ATP10B: variants seen among roughly 807,000 people sequenced by gnomAD.
The protein encoded by ATP10B is ATPase phospholipid transporting 10B (putative), also known as phospholipid-transporting ATPase VB.
ATP10B carries 122 observed loss-of-function variants against 141.2 expected under a neutral mutation model. The ratio of observed to expected loss-of-function variants is 0.86; its 90% confidence interval spans 0.75 to 1.00. ATP10B has a LOEUF of 1.00. Ranked by LOEUF, ATP10B falls within the 50% of genes least tolerant of loss-of-function variation. The pLI is 0.00. For missense variants in ATP10B, 1,876 were observed against 1,825.3 expected, an observed-to-expected ratio of 1.03 and a Z score of -0.51; for synonymous variants, 685 against 692.0, an observed-to-expected ratio of 0.99 and a Z score of 0.16.
At chr5:160,873,321 T>C in the ATP10B span, among the ~76,000 whole-genome samples, 2 of 152,160 alleles carry the variant, frequency 1.3e-5, no homozygotes, top group African/African-American at 4.8e-5. Flanking sequence ...AAATTTCTCA[T>C]TAACATCAGG....
At chr5:160,914,250 T>C in the ATP10B span, among the ~76,000 whole-genome samples, 1 of 152,184 alleles carries the variant, frequency 6.6e-6, no homozygotes, top group Non-Finnish European at 1.5e-5. Flanking sequence ...TTAGAACCAA[T>C]GTCAAAGAGG....
intron 6 of ATP10B, among the ~76,000 whole-genome samples, 187 bp downstream of exon 6, chr5:160,685,892 T>G (rs1213020436): frequency 6.6e-6 from 1 of 152,100 alleles, no homozygotes; most frequent in African/African-American, 2.4e-5. Flanking sequence ...ACTCCCAGTA[T>G]GACAACCAAA....
chr5:160,789,092 T>G (rs112988282), intron 1 of ATP10B, among the ~76,000 whole-genome samples: 98 of 152,268 alleles, frequency 6.4e-4, no homozygotes, highest in African/African-American at 2.4e-3. Flanking sequence ...CATACATGAG[T>G]GCACACACCT....
intron 19 of ATP10B, among the ~76,000 whole-genome samples, chr5:160,605,214 ATAT>A (rs1198264676): frequency 1.3e-5 from 2 of 152,182 alleles, no homozygotes; most frequent in African/African-American, 4.8e-5. Flanking sequence ...AATTAAATTT[ATAT>A]TATTATGATA....
intron 2 of ATP10B, among the ~76,000 whole-genome samples, chr5:160,733,583 A>G (rs1270712036): frequency 6.6e-6 from 1 of 151,810 alleles, no homozygotes; most frequent in East Asian, 1.9e-4. Flanking sequence ...TATGTCACAT[A>G]TGTTACATAT....
chr5:160,861,387 G>T, the ATP10B span, among the ~76,000 whole-genome samples: 3 of 151,818 alleles, frequency 2.0e-5, no homozygotes, highest in Non-Finnish European at 2.9e-5. Context: ...ATTATGGAAT[G>T]AAACTTGTAA....
intron 7 of ATP10B, among the ~76,000 whole-genome samples, chr5:160,668,044 A>T (rs937417384): frequency 6.6e-6 from 1 of 152,148 alleles, no homozygotes; most frequent in Non-Finnish European, 1.5e-5. Context: ...AGCCTGGCCA[A>T]CATGGCAAAA....
At chr5:160,634,889 T>C (rs7712382) in intron 11 of ATP10B, among the ~76,000 whole-genome samples, 133,007 of 152,196 alleles carry the variant, frequency 0.87, 58,317 homozygotes, top group African/African-American at 0.91. Context: ...TTTAGAGTCC[T>C]CTGACTCCCT....
the ATP10B span, among the ~76,000 whole-genome samples, chr5:160,927,363 T>TG: frequency 6.6e-6 from 1 of 152,190 alleles, no homozygotes; most frequent in African/African-American, 2.4e-5. Flanking sequence ...AAGGACAAGC[T>TG]GGGGTGAGTC....
chr5:160,566,587 T>A (rs1206889959), intron 25 of ATP10B, among the ~76,000 whole-genome samples: 3 of 147,426 alleles, frequency 2.0e-5, no homozygotes, highest in Non-Finnish European at 4.6e-5. Context: ...AAGGATTTTA[T>A]CCCCCTGCCA....
At chr5:160,854,550 A>G (rs61286370), upstream of ATP10B, among the ~76,000 whole-genome samples, 195 of 152,116 alleles carry the variant, frequency 1.3e-3, 1 homozygote, top group Middle Eastern at 0.014. Flanking sequence ...TATGTGCTAC[A>G]TTTTCTTTAT....
intron 2 of ATP10B, among the ~76,000 whole-genome samples, chr5:160,776,552 C>T (rs1303215533): frequency 2.0e-5 from 3 of 152,120 alleles, no homozygotes; most frequent in Non-Finnish European, 2.9e-5. Flanking sequence ...AAGAAATGTA[C>T]CAGGTTGACA....
intron 8 of ATP10B, among the ~76,000 whole-genome samples, chr5:160,645,985 C>T (rs1760250878): frequency 6.6e-6 from 1 of 152,164 alleles, no homozygotes; most frequent in Non-Finnish European, 1.5e-5. Flanking sequence ...CCTTTTAATG[C>T]TAATGATTCC....
At chr5:160,735,989 G>A (rs1767089177) in intron 2 of ATP10B, among the ~76,000 whole-genome samples, 1 of 152,070 alleles carries the variant, frequency 6.6e-6, no homozygotes, top group African/African-American at 2.4e-5. Flanking sequence ...TATAGCAAAA[G>A]CATTACTAAG....
chr5:160,896,358 G>T, the ATP10B span, among the ~76,000 whole-genome samples: 2 of 151,986 alleles, frequency 1.3e-5, no homozygotes, highest in African/African-American at 4.8e-5. Context: ...ATGATAATGG[G>T]GATGTCACCA....
rs762428708 is a variant in ATP10B, at chr5:160,622,418, G to C, written c.1788C>G (p.Ser596=). 6.2e-7 allele frequency: 1 copy of C among 1,613,376 alleles called. No homozygotes were observed. Among genetic ancestry groups the C allele is most frequent in the Admixed American group, 1.7e-5 (1 of 59,934 alleles). Residue 596 remains serine, a synonymous_variant, in exon 14 of 26, where the codon TCC becomes TCG. Coordinates refer to ENST00000327245, the MANE Select transcript of ATP10B (RefSeq NM_025153.3). ...ALTICNSVMV[S]TTTEPRQRVT... Reference sequence around the variant, plus strand: ...CCCTCTGCCTGGGCTCGGTGGTTGTGGACACCATGACAGAGTTGCAGATGG... The same window carrying C: ...CCCTCTGCCTGGGCTCGGTGGTTGTCGACACCATGACAGAGTTGCAGATGG...
chr5:160,582,580 C>T (rs1755625639), intron 24 of ATP10B, among the ~76,000 whole-genome samples: 1 of 152,050 alleles, frequency 6.6e-6, no homozygotes, highest in Non-Finnish European at 1.5e-5. Flanking sequence ...AGTATTTTTT[C>T]CTTCATTTCA....
chr5:160,654,623 A>T (rs897909200), intron 7 of ATP10B, among the ~76,000 whole-genome samples: 1 of 152,198 alleles, frequency 6.6e-6, no homozygotes, highest in African/African-American at 2.4e-5. Context: ...GCAGATGGAG[A>T]CTAAAGTGTC....
intron 17 of ATP10B, among the ~76,000 whole-genome samples, chr5:160,613,423 G>T (rs1757830320): frequency 6.6e-6 from 1 of 152,190 alleles, no homozygotes; most frequent in Admixed American, 6.5e-5. Flanking sequence ...GGGCCTCAAA[G>T]GATTTGCAAT....
Sources: allele counts gnomAD v4.1 joint callset (sites outside exome capture counted in the v4.1 genomes callset), GRCh38; gene constraint gnomAD v4.1.1; transcripts MANE v1.5; gene names NCBI Gene and HGNC (gene_info 2026-07-23, HGNC 2026-07-21).